Variants in SOX5 observed in about 807,000 individuals in gnomAD.
SOX5 encodes the protein SRY-box transcription factor 5.
SOX5 carries 9 observed loss-of-function variants against 92.0 expected under a neutral mutation model. The observed-to-expected ratio is 0.10, with a 90% CI of 0.06 to 0.17. SOX5 has a LOEUF of 0.17. SOX5 is among the 10% of genes least tolerant of loss of function. The probability of loss-of-function intolerance (pLI) is 1.00; values close to 1 mark genes in which losing one functional copy is unlikely to be tolerated. For missense variants in SOX5, 642 were observed against 944.5 expected (o/e 0.68, Z 4.20); for synonymous variants, 344 against 336.3 (o/e 1.02, Z -0.25).
chr12:24,361,661 G>A (rs1417965198), intron 2 of SOX5, among the ~76,000 whole-genome samples: 6 of 151,798 alleles, frequency 4.0e-5, no homozygotes, highest in East Asian at 1.9e-4. Flanking sequence ...ATGCACGTGC[G>A]CACACGCACA....
At chr12:24,398,837 G>A (rs1044391070) in intron 1 of SOX5, among the ~76,000 whole-genome samples, 5 of 152,000 alleles carry the variant, frequency 3.3e-5, no homozygotes, top group African/African-American at 4.8e-5. Flanking sequence ...TTTCACTCCC[G>A]CCACCCATGA....
At chr12:24,489,134 C>T (rs1408599024) in intron 1 of SOX5, among the ~76,000 whole-genome samples, 12 of 152,158 alleles carry the variant, frequency 7.9e-5, no homozygotes, top group South Asian at 2.1e-4. Context: ...CCAACACACA[C>T]GTCCAAATCT....
At chr12:23,670,811 C>CACT (rs72509862) in intron 6 of SOX5, among the ~76,000 whole-genome samples, 2 of 148,002 alleles carry the variant, frequency 1.4e-5, no homozygotes, top group Non-Finnish European at 3.0e-5. Context: ...CAAGCAAAAC[C>CACT]ACAGACATTA....
At chr12:24,303,175 T>C (rs1247943532) in intron 2 of SOX5, among the ~76,000 whole-genome samples, 1 of 152,222 alleles carries the variant, frequency 6.6e-6, no homozygotes, top group Admixed American at 6.5e-5. Flanking sequence ...GGCTCTATAT[T>C]TGTAGGTGAA....
intron 3 of SOX5, among the ~76,000 whole-genome samples, chr12:24,246,896 G>T (rs1441213142): frequency 1.3e-5 from 2 of 151,932 alleles, no homozygotes; most frequent in Non-Finnish European, 2.9e-5. Flanking sequence ...AGGGAGAGGG[G>T]ATTTATGAAA....
rs186034028 is a variant in SOX5 at position 23,793,150 on chromosome 12, A to G, written c.482-37426T>C. ...GTAACTATAAATTCTCCTCATATGA[A>G]AATAAGTAGATATACATTTGTATAT... On this transcript the variant is annotated intron_variant, in intron 3 of 14. Transcript: ENST00000451604. 2.5e-3 allele frequency among the ~76,000 whole-genome samples: 385 copies of G among 152,330 alleles called. 2 individuals carry two copies. The highest frequency in any genetic ancestry group is 0.01 in the Middle Eastern group (3 of 294).
chr12:24,192,132 C>T (rs1353437704), intron 4 of SOX5, among the ~76,000 whole-genome samples: 9 of 152,138 alleles, frequency 5.9e-5, no homozygotes, highest in African/African-American at 1.9e-4. Flanking sequence ...TTCCTATTCA[C>T]AATGCAGAAA....
At chr12:24,358,955 A>G (rs192549290) in intron 2 of SOX5, among the ~76,000 whole-genome samples, 1 of 152,328 alleles carries the variant, frequency 6.6e-6, no homozygotes, top group East Asian at 1.9e-4. Flanking sequence ...AAGGAGGTAT[A>G]TATCTATCCC....
At chr12:24,000,757 G>A (rs765218421) in intron 4 of SOX5, among the ~76,000 whole-genome samples, 3 of 152,128 alleles carry the variant, frequency 2.0e-5, no homozygotes, top group Non-Finnish European at 4.4e-5. Flanking sequence ...GGGAGAGACT[G>A]TAATGCAAGA....
chr12:23,613,031 A>G (rs1292122320), intron 8 of SOX5, among the ~76,000 whole-genome samples: 3 of 151,158 alleles, frequency 2.0e-5, no homozygotes, highest in Non-Finnish European at 4.4e-5. Flanking sequence ...GAAAATTATC[A>G]TAGCAACTTG....
At chr12:23,837,032 CA>C (rs1487318421) in intron 3 of SOX5, among the ~76,000 whole-genome samples, 1 of 150,554 alleles carries the variant, frequency 6.6e-6, no homozygotes. Flanking sequence ...AGCTTTGGAA[CA>C]TTTGTGCTGT....
intron 3 of SOX5, among the ~76,000 whole-genome samples, chr12:24,220,142 T>C (rs991724628): frequency 3.3e-5 from 5 of 152,012 alleles, no homozygotes; most frequent in African/African-American, 1.2e-4. Context: ...ATAAATAATG[T>C]GAAAAATTAC....
chr12:23,617,235 G>A (rs1415385965), intron 8 of SOX5, among the ~76,000 whole-genome samples: 1 of 151,946 alleles, frequency 6.6e-6, no homozygotes, highest in Non-Finnish European at 1.5e-5. Flanking sequence ...AAACAGGTGA[G>A]CCACTGGGAA....
At chr12:24,220,529 G>A (rs188183842) in intron 3 of SOX5, among the ~76,000 whole-genome samples, 70 of 152,000 alleles carry the variant, frequency 4.6e-4, no homozygotes, top group Middle Eastern at 3.4e-3. Flanking sequence ...TAATAAAAGG[G>A]CTATTAAATA....
intron 6 of SOX5, among the ~76,000 whole-genome samples, chr12:23,704,651 A>G (rs1444659777): frequency 7.2e-6 from 1 of 138,240 alleles, no homozygotes; most frequent in Admixed American, 7.8e-5. Context: ...ATAATTGATG[A>G]CACCAAGTAT....
At chr12:24,229,051 T>C (rs1962771732) in intron 3 of SOX5, among the ~76,000 whole-genome samples, 2 of 152,148 alleles carry the variant, frequency 1.3e-5, no homozygotes, top group African/African-American at 4.8e-5. Context: ...ACAATCCATA[T>C]CCCCACTTTG....
chr12:24,005,268 A>G (rs1952035273), intron 4 of SOX5, among the ~76,000 whole-genome samples: 1 of 152,144 alleles, frequency 6.6e-6, no homozygotes, highest in Admixed American at 6.6e-5. Context: ...AGCTATTTCA[A>G]ATTATTGAAG....
intron 10 of SOX5, among the ~76,000 whole-genome samples, chr12:23,570,919 AAAAAAAAAAAAATATATATATATATAT>A (rs1948105504): frequency 2.6e-5 from 1 of 38,816 alleles, no homozygotes; most frequent in African/African-American, 1.0e-4. Flanking sequence ...TCAAAAAAAA[AAAAAAAAAAAAATATATATATATATAT>A]ATATATATAT....
intron 4 of SOX5, among the ~76,000 whole-genome samples, chr12:24,000,840 C>A (rs1158958379): frequency 1.3e-5 from 2 of 151,860 alleles, no homozygotes; most frequent in East Asian, 1.9e-4. Flanking sequence ...AGGTTGAAAG[C>A]AAAATGATGG....
Sources: gnomAD v4.1 joint callset for allele counts (sites outside exome capture counted in the v4.1 genomes callset) on GRCh38, gnomAD v4.1.1 for gene constraint, MANE v1.5 for transcripts, NCBI Gene and HGNC (gene_info 2026-07-23, HGNC 2026-07-21) for gene names.